SEC13: variants seen among roughly 807,000 people sequenced by gnomAD.
SEC13 encodes protein SEC13 homolog.
A neutral mutation model predicts 49.2 loss-of-function variants in SEC13; 25 were observed. The observed-to-expected ratio is 0.51, with a 90% confidence interval of 0.37 to 0.71. The LOEUF (loss-of-function observed/expected upper bound fraction) is 0.71, where lower values mean the gene tolerates loss of function less well. Ranked by LOEUF, SEC13 falls within the 30% of genes least tolerant of loss-of-function variation. SEC13 has a pLI of 0.00. For missense variants in SEC13, 383 were observed against 417.6 expected (o/e 0.92, Z 0.72); for synonymous variants, 148 against 163.9 (o/e 0.90, Z 0.74).
intron 2 of SEC13, among the ~76,000 whole-genome samples, chr3:10,316,614 T>C (rs1701622387): frequency 6.6e-6 from 1 of 152,234 alleles, no homozygotes; most frequent in Non-Finnish European, 1.5e-5. Context: ...AGCTTCAGTT[T>C]CCTTATCTTT....
chr3:10,311,405 A>C (rs1035559500), intron 5 of SEC13, among the ~76,000 whole-genome samples: 3 of 152,240 alleles, frequency 2.0e-5, no homozygotes, highest in African/African-American at 7.2e-5. Flanking sequence ...ACGATGTGGC[A>C]TTAGTCATAT....
At chr3:10,315,476 T>G (rs1574888618) in intron 2 of SEC13, 40 bp from the exon 3 acceptor site, 8 of 3,308 alleles carry the variant, frequency 2.4e-3, no homozygotes, top group Non-Finnish European at 3.6e-3. Flanking sequence ...GCAGGCTGGG[T>G]GGGTGGGTGG....
chr3:10,301,803 A>G (rs1456073625), intron 8 of SEC13, among the ~76,000 whole-genome samples: 1 of 152,220 alleles, frequency 6.6e-6, no homozygotes, highest in Non-Finnish European at 1.5e-5. Flanking sequence ...TAACAGGTTT[A>G]ACAACACTGC....
intron 1 of SEC13, among the ~76,000 whole-genome samples, chr3:10,318,418 T>C (rs1488935490): frequency 1.3e-5 from 2 of 151,834 alleles, no homozygotes; most frequent in Non-Finnish European, 1.5e-5. Context: ...GGGTAGGAAT[T>C]TGCAGGTGGC....
At chr3:10,319,420 G>T in intron 1 of SEC13, 2 of 703,254 alleles carry the variant, frequency 2.8e-6, no homozygotes, top group Non-Finnish European at 4.4e-6. Context: ...CAAGGGCACA[G>T]TCAATCAGAG....
At chr3:10,305,772 C>A in intron 5 of SEC13, 80 bp from the exon 6 acceptor site, 3 of 1,518,836 alleles carry the variant, frequency 2.0e-6, no homozygotes, top group Non-Finnish European at 2.7e-6. Flanking sequence ...GTCCCTCTCC[C>A]CTCCGCTTCT....
chr3:10,305,974 T>A (rs1319618448), intron 5 of SEC13: 2 of 270,208 alleles, frequency 7.4e-6, no homozygotes, highest in African/African-American at 4.4e-5. Context: ...ACATTGGAGC[T>A]TTTTTTTAAG....
intron 6 of SEC13, 73 bp downstream of exon 6, chr3:10,305,486 T>C (rs1378603175): frequency 1.3e-6 from 2 of 1,546,904 alleles, no homozygotes; most frequent in Non-Finnish European, 1.8e-6. Context: ...CTTGTGAGTG[T>C]GGCTGAGTCA....
intron 2 of SEC13, among the ~76,000 whole-genome samples, chr3:10,315,712 A>G (rs1701563731): frequency 6.6e-6 from 1 of 152,136 alleles, no homozygotes; most frequent in African/African-American, 2.4e-5. Flanking sequence ...CCTGTTCCGC[A>G]GGGTGGGTAT....
chr3:10,315,283 C>G lies in SEC13; in HGVS notation c.164+38G>C, dbSNP rs767958130. On this transcript the variant is annotated intron_variant, in intron 3 of 8. Transcript: ENST00000350697. Reference sequence around the variant, plus strand: ...TGAAGCAGGGCCTGAGAACCCACACCATTCCTGGAGCCCTTCCCTGGGCTC... The same window carrying G: ...TGAAGCAGGGCCTGAGAACCCACACGATTCCTGGAGCCCTTCCCTGGGCTC... The G allele has an allele frequency of 1.1e-5, 16 of 1,465,552 alleles. No homozygotes were observed. The South Asian group carries it at 1.8e-4, about 17-fold the overall frequency. 90.8% of individuals were successfully genotyped at this position (1,465,552 alleles called of 1,614,324 possible).
At chr3:10,319,345 G>C in intron 1 of SEC13, 1 of 1,519,350 alleles carries the variant, frequency 6.6e-7, no homozygotes. Context: ...ACAATAAGGA[G>C]TTTCCTCCAT....
rs1337976435 is a variant in SEC13, at chr3:10,305,709, C to G, written c.451-17G>C. 6.2e-7 allele frequency: 1 copy of G among 1,613,910 alleles called. No homozygotes were observed. Among genetic ancestry groups the G allele is most frequent in the South Asian group, 1.1e-5 (1 of 91,074 alleles). ...GCAGCCAATCTGTAAAGATGGGACACATGGTGACTCTGCCTTGCAAGAGAA... is the reference window on the plus strand; with the variant it reads ...GCAGCCAATCTGTAAAGATGGGACAGATGGTGACTCTGCCTTGCAAGAGAA... On this transcript the variant is annotated splice_polypyrimidine_tract_variant and intron_variant, in intron 5 of 8. Transcript: ENST00000350697.
intron 8 of SEC13, among the ~76,000 whole-genome samples, chr3:10,302,078 A>G (rs896577487): frequency 1.3e-5 from 2 of 152,076 alleles, no homozygotes; most frequent in African/African-American, 4.8e-5. Context: ...TCTCATCTCT[A>G]CTAAAAATAC....
intron 5 of SEC13, among the ~76,000 whole-genome samples, chr3:10,307,661 A>C (rs987741139): frequency 2.0e-5 from 3 of 152,198 alleles, no homozygotes; most frequent in African/African-American, 7.2e-5. Flanking sequence ...AGCATGGAAA[A>C]GACCTCCTCC....
At chr3:10,313,622 T>C in intron 3 of SEC13, 1 of 241,442 alleles carries the variant, frequency 4.1e-6, no homozygotes, top group Non-Finnish European at 9.2e-6. Context: ...ACATTCCCAG[T>C]CCCTACAAAG....
intron 3 of SEC13, chr3:10,312,985 G>A (rs1170435143): frequency 1.4e-5 from 6 of 434,992 alleles, no homozygotes; most frequent in South Asian, 1.3e-4. Context: ...TTCCTGTCCT[G>A]GCCAGGCAGG....
intron 7 of SEC13, 121 bp downstream of exon 7, chr3:10,304,912 G>T: frequency 6.8e-7 from 1 of 1,468,244 alleles, no homozygotes. Flanking sequence ...CTGTGCTCTG[G>T]GCCAAAGGTG....
chr3:10,301,014 C>A lies in SEC13; in HGVS notation c.*247G>T, dbSNP rs1700464218. 20 of 1,487,322 alleles carry A rather than the reference C, an allele frequency of 1.3e-5. 1 individual carries two copies. The South Asian group carries it at 2.4e-4, about 18-fold the overall frequency. 92.1% of individuals were successfully genotyped at this position (1,487,322 alleles called of 1,614,324 possible). A position where few individuals can be genotyped will look rare whatever the true frequency, so the allele number is the denominator to read the frequency against. On this transcript the variant is annotated 3_prime_UTR_variant, in exon 9 of 9. Coordinates refer to ENST00000350697, the MANE Select transcript of SEC13 (RefSeq NM_183352.3). ...TGAACCCAAAGGTACATAAAAATGA[C>A]CCAAAATAGATTTGAACATCACTTG...
chr3:10,309,490 C>T (rs541464557), intron 5 of SEC13, among the ~76,000 whole-genome samples: 20 of 151,900 alleles, frequency 1.3e-4, no homozygotes, highest in African/African-American at 4.1e-4. Context: ...CTGTGTTCAT[C>T]GACACTTGCA....
Sources: allele counts gnomAD v4.1 joint callset (sites outside exome capture counted in the v4.1 genomes callset), GRCh38; gene constraint gnomAD v4.1.1; transcripts MANE v1.5; gene names NCBI Gene and HGNC (gene_info 2026-07-23, HGNC 2026-07-21).